The following ATF1 variants were observed in gnomAD, a reference collection of about 807,000 sequenced individuals.
ATF1 encodes the protein activating transcription factor 1.
ATF1 carries 16 observed loss-of-function variants against 34.7 expected under a neutral mutation model. The observed-to-expected ratio is 0.46, with a 90% CI of 0.31 to 0.70. The LOEUF (loss-of-function observed/expected upper bound fraction) is 0.70, where lower values mean the gene tolerates loss of function less well. ATF1 is among the 30% of genes least tolerant of loss of function. The pLI, the probability that ATF1 is intolerant of heterozygous loss-of-function variation, is 0.05. For synonymous variants in ATF1, 105 were observed against 113.1 expected (o/e 0.93, Z 0.46); for missense variants, 255 against 321.6 (o/e 0.79, Z 1.58).
At chr12:50,783,152 T>A (rs1380621852) in intron 2 of ATF1, among the ~76,000 whole-genome samples, 1 of 152,226 alleles carries the variant, frequency 6.6e-6, no homozygotes, top group African/African-American at 2.4e-5. Flanking sequence ...GCTAATTTTT[T>A]AAATTTAATT....
intron 3 of ATF1, among the ~76,000 whole-genome samples, chr12:50,799,168 T>C (rs1941467097): frequency 6.6e-6 from 1 of 152,156 alleles, no homozygotes; most frequent in African/African-American, 2.4e-5. Context: ...GAGGACTACT[T>C]GAGTCCAGGA....
At chr12:50,773,048 CTGAGGA>C (rs1940817143) in intron 1 of ATF1, among the ~76,000 whole-genome samples, 1 of 152,170 alleles carries the variant, frequency 6.6e-6, no homozygotes, top group Admixed American at 6.6e-5. Context: ...TGTTAGTTTG[CTGAGGA>C]TAACAGCTTC....
intron 6 of ATF1, among the ~76,000 whole-genome samples, chr12:50,816,052 G>C (rs1941836938): frequency 6.6e-6 from 1 of 152,272 alleles, no homozygotes; most frequent in South Asian, 2.1e-4. Flanking sequence ...TGGAAAAATA[G>C]GGCTGGGCGT....
chr12:50,781,286 G>T (rs1324816163), intron 2 of ATF1, among the ~76,000 whole-genome samples: 3 of 152,030 alleles, frequency 2.0e-5, no homozygotes, highest in Non-Finnish European at 4.4e-5. Flanking sequence ...TATGTGAATA[G>T]TTATACTATA....
intron 1 of ATF1, among the ~76,000 whole-genome samples, chr12:50,776,288 C>T (rs112426401): frequency 1.5e-4 from 17 of 114,350 alleles, no homozygotes; most frequent in African/African-American, 5.0e-4. Flanking sequence ...TGCACTCCAG[C>T]CTGGGTGACA....
At chr12:50,774,446 G>A (rs539948147) in intron 1 of ATF1, among the ~76,000 whole-genome samples, 10 of 152,216 alleles carry the variant, frequency 6.6e-5, no homozygotes, top group Admixed American at 3.3e-4. Flanking sequence ...CTTTTGAAGC[G>A]GTGTTTCACT....
chr12:50,796,365 G>T (rs1941409105), intron 3 of ATF1, among the ~76,000 whole-genome samples: 1 of 152,214 alleles, frequency 6.6e-6, no homozygotes, highest in Admixed American at 6.5e-5. Flanking sequence ...CTGTGCTCCA[G>T]CCTGGGTGAT....
intron 6 of ATF1, among the ~76,000 whole-genome samples, chr12:50,816,316 C>G (rs1357070570): frequency 1.3e-5 from 2 of 150,788 alleles, no homozygotes; most frequent in African/African-American, 2.4e-5. Context: ...AAGACCCTAT[C>G]TCAAGAAAAA....
chr12:50,768,625 G>A (rs896332658), intron 1 of ATF1, among the ~76,000 whole-genome samples: 1 of 151,982 alleles, frequency 6.6e-6, no homozygotes, highest in South Asian at 2.1e-4. Context: ...TATAGGTGTC[G>A]TGTGTAATAT....
At chr12:50,786,848 C>T (rs778479995) in intron 2 of ATF1, among the ~76,000 whole-genome samples, 3 of 152,114 alleles carry the variant, frequency 2.0e-5, no homozygotes, top group Non-Finnish European at 4.4e-5. Flanking sequence ...CAAGCAACAG[C>T]AATCTACCCC....
At chr12:50,782,243 GTTTGTTTGTTTA>G (rs1471871433) in intron 2 of ATF1, among the ~76,000 whole-genome samples, 1 of 85,004 alleles carries the variant, frequency 1.2e-5, no homozygotes, top group Admixed American at 1.1e-4. Context: ...TGTTTTTTTT[GTTTGTTTGTTTA>G]TTTGTTTGTT....
intron 3 of ATF1, among the ~76,000 whole-genome samples, chr12:50,809,233 G>A (rs150027229): frequency 2.0e-5 from 3 of 151,924 alleles, no homozygotes; most frequent in Non-Finnish European, 4.4e-5. Flanking sequence ...AATTAGCTGG[G>A]TGTGGTGGCT....
chr12:50,796,152 C>T, intron 3 of ATF1, 143 bp downstream of exon 3: 1 of 664,704 alleles, frequency 1.5e-6, no homozygotes, highest in Admixed American at 3.4e-5. Context: ...AATCCCAACC[C>T]TTTCGGAGGC....
intron 1 of ATF1, among the ~76,000 whole-genome samples, chr12:50,771,599 G>C (rs1387773006): frequency 6.6e-6 from 1 of 152,038 alleles, no homozygotes; most frequent in Non-Finnish European, 1.5e-5. Context: ...TCTTAGACGG[G>C]GGGAAATGTC....
At chr12:50,816,120 A>G (rs1348620266) in intron 6 of ATF1, among the ~76,000 whole-genome samples, 1 of 152,114 alleles carries the variant, frequency 6.6e-6, no homozygotes, top group Non-Finnish European at 1.5e-5. Flanking sequence ...GGATCACTTG[A>G]GCCTAGGAGT....
At chr12:50,773,790 A>G (rs1347217072) in intron 1 of ATF1, among the ~76,000 whole-genome samples, 1 of 151,834 alleles carries the variant, frequency 6.6e-6, no homozygotes, top group Non-Finnish European at 1.5e-5. Context: ...GGGTTTTGCC[A>G]TATTGGCCAG....
intron 6 of ATF1, among the ~76,000 whole-genome samples, chr12:50,819,270 G>A (rs1941901659): frequency 6.6e-6 from 1 of 152,226 alleles, no homozygotes; most frequent in Non-Finnish European, 1.5e-5. Flanking sequence ...TGGGCTGAGT[G>A]AAGGGACACC....
At chr12:50,789,410 G>A (rs1457959367) in intron 2 of ATF1, among the ~76,000 whole-genome samples, 1 of 151,994 alleles carries the variant, frequency 6.6e-6, no homozygotes, top group Non-Finnish European at 1.5e-5. Flanking sequence ...TTAGATTTTG[G>A]ACTGATAATT....
intron 1 of ATF1, among the ~76,000 whole-genome samples, chr12:50,768,980 G>A (rs1481557529): frequency 6.6e-6 from 1 of 152,150 alleles, no homozygotes; most frequent in Non-Finnish European, 1.5e-5. Context: ...CTTCTGCCTG[G>A]TGTGTCCTAG....
Sources: allele counts gnomAD v4.1 joint callset (sites outside exome capture counted in the v4.1 genomes callset), GRCh38; gene constraint gnomAD v4.1.1; transcripts MANE v1.5; gene names NCBI Gene and HGNC (gene_info 2026-07-23, HGNC 2026-07-21).